Variants in LPAR1 observed in about 807,000 individuals in gnomAD.
LPAR1 encodes lysophosphatidic acid receptor 1.
A neutral mutation model predicts 23.8 loss-of-function variants in LPAR1; 5 were observed. The ratio of observed to expected loss-of-function variants is 0.21; its 90% confidence interval spans 0.11 to 0.44. The LOEUF (loss-of-function observed/expected upper bound fraction) is 0.44, where lower values mean the gene tolerates loss of function less well. Ranked by LOEUF, LPAR1 falls within the 20% of genes least tolerant of loss-of-function variation. The pLI, the probability that LPAR1 is intolerant of heterozygous loss-of-function variation, is 0.99. For synonymous variants in LPAR1, 160 were observed against 164.7 expected (o/e 0.97, Z 0.22); for missense variants, 311 against 482.8 (o/e 0.64, Z 3.33).
Position 110,875,543 on chromosome 9 carries a change from T to G in LPAR1, c.973A>C (p.Ile325Leu). Residue 325 changes from isoleucine to leucine, a missense_variant, in exon 6 of 6, where the codon ATC (isoleucine) becomes CTC (leucine). Around this residue, in one of 2 missense-constraint regions of LPAR1, gnomAD observed 250 missense variants for 427.2 expected, o/e 0.59. Coordinates refer to ENST00000683809, the MANE Select transcript of LPAR1 (RefSeq NM_001351411.2). ...TTCTCACTGCGCTGGCAGCAGAGGA[T>G]CTGCCTAAAGGTGGCGCTCATTTCT... ...DKEMSATFRQ[I>L]LCCQRSENPT... 6.2e-7 allele frequency: 1 copy of G among 1,614,118 alleles called. No homozygotes were observed. The highest frequency in any genetic ancestry group is 8.5e-7 in the Non-Finnish European group (1 of 1,180,022).
At chr9:110,977,364 A>G (rs1588647582) in intron 2 of LPAR1, among the ~76,000 whole-genome samples, 2 of 152,128 alleles carry the variant, frequency 1.3e-5, no homozygotes, top group East Asian at 3.9e-4. Context: ...ACACATGGGA[A>G]AAAGACACTC....
intron 2 of LPAR1, among the ~76,000 whole-genome samples, chr9:111,005,347 G>C (rs922611258): frequency 6.6e-6 from 1 of 150,972 alleles, no homozygotes; most frequent in African/African-American, 2.4e-5. Flanking sequence ...GCCCAGGTAG[G>C]TGGATCACTT....
chr9:111,033,830 G>A (rs1408201309), intron 2 of LPAR1, among the ~76,000 whole-genome samples: 1 of 152,218 alleles, frequency 6.6e-6, no homozygotes, highest in Non-Finnish European at 1.5e-5. Context: ...TGGGATTACA[G>A]GCATGAGCCG....
At chr9:110,969,050 T>G (rs1399159706) in intron 4 of LPAR1, among the ~76,000 whole-genome samples, 1 of 152,132 alleles carries the variant, frequency 6.6e-6, no homozygotes, top group Admixed American at 6.5e-5. Flanking sequence ...GGCCATATTT[T>G]TTTCTCATTA....
chr9:111,026,195 T>C (rs959326491), intron 2 of LPAR1, among the ~76,000 whole-genome samples: 10 of 152,234 alleles, frequency 6.6e-5, no homozygotes, highest in Non-Finnish European at 1.2e-4. Context: ...TGTCGTCTCT[T>C]GTTTCCTTGA....
At chr9:111,033,014 T>TTGC (rs2097829180) in intron 2 of LPAR1, among the ~76,000 whole-genome samples, 1 of 152,248 alleles carries the variant, frequency 6.6e-6, no homozygotes, top group Admixed American at 6.5e-5. Context: ...GCACGTTTGT[T>TTGC]TTAGCACTGG....
rs1225237328 is a variant in LPAR1 at position 111,033,191 on chromosome 9, A to G, written c.-182+2931T>C. On this transcript the variant is annotated intron_variant, in intron 2 of 5. Coordinates refer to ENST00000683809, the MANE Select transcript of LPAR1 (RefSeq NM_001351411.2). The stretch of plus-strand genomic sequence containing the variant: ...TGGACTTCAGGGTTAAAGTTTCTAT[A>G]GCACTGATTAGATGACAGGGACATG... 2.0e-5 allele frequency among the ~76,000 whole-genome samples: 3 copies of G among 152,248 alleles called. No individual in the cohort carries two copies. The East Asian group carries it at 5.8e-4, about 29-fold the overall frequency.
chr9:110,941,287 C>T lies in LPAR1; in HGVS notation c.793+134G>A, dbSNP rs1032677567. The T allele has an allele frequency of 1.4e-5, 11 of 771,668 alleles. No individual in the cohort carries two copies. The African/African-American group carries it at 1.9e-4, about 13-fold the overall frequency. 47.8% of individuals were successfully genotyped at this position (771,668 alleles called of 1,614,324 possible). A position where few individuals can be genotyped will look rare whatever the true frequency, so the allele number is the denominator to read the frequency against. ...TAAGCTGACATTTAATATAAAGGTGCCTCATCCCCTTGTAATTCCTGGTGA... is the reference window on the plus strand; with the variant it reads ...TAAGCTGACATTTAATATAAAGGTGTCTCATCCCCTTGTAATTCCTGGTGA... On this transcript the variant is annotated intron_variant, in intron 5 of 5. Transcript: ENST00000683809. This position sits in a 1 kb window ranked among gnomAD's most constrained non-coding sequence, Gnocchi z 6.1.
chr9:110,988,932 C>G (rs2096843368), intron 2 of LPAR1, among the ~76,000 whole-genome samples: 1 of 151,944 alleles, frequency 6.6e-6, no homozygotes, highest in African/African-American at 2.4e-5. Flanking sequence ...TATTTTTAAA[C>G]AATGGAATAT....
intron 2 of LPAR1, among the ~76,000 whole-genome samples, chr9:111,008,618 T>C (rs1225630761): frequency 6.6e-6 from 1 of 152,114 alleles, no homozygotes; most frequent in Non-Finnish European, 1.5e-5. Flanking sequence ...GAAAAAATAC[T>C]GACCCAAGTC....
chr9:111,016,658 C>T (rs1229268855), intron 2 of LPAR1, among the ~76,000 whole-genome samples: 4 of 152,164 alleles, frequency 2.6e-5, no homozygotes, highest in Admixed American at 2.6e-4. Flanking sequence ...CAGTATTGAG[C>T]TTAATAACCT....
At chr9:110,910,252 A>C (rs2092232588) in intron 5 of LPAR1, among the ~76,000 whole-genome samples, 1 of 152,160 alleles carries the variant, frequency 6.6e-6, no homozygotes, top group African/African-American at 2.4e-5. Flanking sequence ...TTACCATTCC[A>C]AAAATCCTAC....
At chr9:110,879,966 G>A (rs2132446231) in intron 5 of LPAR1, among the ~76,000 whole-genome samples, 1 of 152,276 alleles carries the variant, frequency 6.6e-6, no homozygotes, top group African/African-American at 2.4e-5. Context: ...GACAGCTGAT[G>A]AGCTGGGTTC....
chr9:111,002,631 G>C (rs2097148660), intron 2 of LPAR1, among the ~76,000 whole-genome samples: 1 of 152,186 alleles, frequency 6.6e-6, no homozygotes, highest in Non-Finnish European at 1.5e-5. Flanking sequence ...AATATTCATT[G>C]CTGTTTGAGA....
At chr9:111,024,719 G>T in intron 2 of LPAR1, among the ~76,000 whole-genome samples, 1 of 150,462 alleles carries the variant, frequency 6.6e-6, no homozygotes, top group East Asian at 2.0e-4. Context: ...CCCCCCAACA[G>T]GTCCCAGTGG....
chr9:110,963,201 C>T (rs2096068068), intron 4 of LPAR1, among the ~76,000 whole-genome samples: 1 of 152,110 alleles, frequency 6.6e-6, no homozygotes, highest in African/African-American at 2.4e-5. Flanking sequence ...CCTAGGTACC[C>T]CTGTACAATT....
At chr9:110,909,924 T>G (rs994472108) in intron 5 of LPAR1, among the ~76,000 whole-genome samples, 1 of 151,866 alleles carries the variant, frequency 6.6e-6, no homozygotes, top group Admixed American at 6.6e-5. Context: ...ATTTTTTGCA[T>G]TTTTTGGAGA....
At chr9:111,028,132 A>AT (rs564873913) in intron 2 of LPAR1, among the ~76,000 whole-genome samples, 10,369 of 144,504 alleles carry the variant, frequency 0.072, 359 homozygotes, top group Middle Eastern at 0.089. Flanking sequence ...TGGAATAAGA[A>AT]TTTTTTTTTT....
chr9:111,035,084 C>T (rs992534447), intron 2 of LPAR1, among the ~76,000 whole-genome samples: 3 of 151,990 alleles, frequency 2.0e-5, no homozygotes, highest in African/African-American at 7.3e-5. Context: ...TGCATCTTTC[C>T]CCCCTGTGTT....
Sources: allele counts gnomAD v4.1 joint callset (sites outside exome capture counted in the v4.1 genomes callset), GRCh38; gene constraint gnomAD v4.1.1; regional missense constraint gnomAD v4.1.1; non-coding constraint Gnocchi (gnomAD v3.1); transcripts MANE v1.5; gene names NCBI Gene and HGNC (gene_info 2026-07-23, HGNC 2026-07-21).